Variants in NTM observed in about 807,000 individuals in gnomAD.
NTM encodes neurotrimin.
A neutral mutation model predicts 42.1 loss-of-function variants in NTM; 13 were observed. The ratio of observed to expected loss-of-function variants is 0.31; its 90% CI spans 0.20 to 0.49. The LOEUF (loss-of-function observed/expected upper bound fraction) is 0.49, where lower values mean the gene tolerates loss of function less well. Ranked by LOEUF, NTM falls within the 20% of genes least tolerant of loss-of-function variation. The probability of loss-of-function intolerance (pLI) is 0.99; values close to 1 mark genes in which losing one functional copy is unlikely to be tolerated. For missense variants in NTM, 373 were observed against 452.8 expected, an observed-to-expected ratio of 0.82 and a Z score of 1.60; for synonymous variants, 187 against 179.2, an observed-to-expected ratio of 1.04 and a Z score of -0.35.
intron 4 of NTM, among the ~76,000 whole-genome samples, chr11:132,225,189 T>A (rs2085954497): frequency 6.6e-6 from 1 of 152,190 alleles, no homozygotes; most frequent in Non-Finnish European, 1.5e-5. Context: ...ACTTAGGTGC[T>A]GCAGATTGCA....
chr11:132,060,299 G>A (rs1229181718), intron 2 of NTM, among the ~76,000 whole-genome samples: 1 of 152,118 alleles, frequency 6.6e-6, no homozygotes, highest in East Asian at 1.9e-4. Context: ...AATTGTGTAG[G>A]CAAGGGGTGC....
At chr11:132,079,194 G>T (rs752047714) in intron 2 of NTM, among the ~76,000 whole-genome samples, 1 of 152,122 alleles carries the variant, frequency 6.6e-6, no homozygotes, top group Non-Finnish European at 1.5e-5. Context: ...TGAAAATAAT[G>T]ATACTAATCA....
intron 1 of NTM, among the ~76,000 whole-genome samples, chr11:131,391,575 CTTTTT>C (rs71067306): frequency 9.2e-6 from 1 of 108,578 alleles, no homozygotes; most frequent in Non-Finnish European, 1.8e-5. Context: ...GTTGACAAGT[CTTTTT>C]TTTTTTTTTT....
chr11:131,764,054 G>A (rs1293010310), intron 1 of NTM, among the ~76,000 whole-genome samples: 1 of 151,804 alleles, frequency 6.6e-6, no homozygotes. Flanking sequence ...AAGATGCTAG[G>A]AGACAGCAAT....
intron 6 of NTM, among the ~76,000 whole-genome samples, chr11:132,310,928 T>C (rs942878077): frequency 5.3e-5 from 8 of 152,116 alleles, no homozygotes; most frequent in Non-Finnish European, 8.8e-5. Context: ...CAAAGAGCCA[T>C]TTTTAAGGGG....
At chr11:132,093,424 C>G (rs2060597300) in intron 2 of NTM, among the ~76,000 whole-genome samples, 1 of 152,176 alleles carries the variant, frequency 6.6e-6, no homozygotes. Context: ...ATCTCTCTGT[C>G]ATTCATTGTT....
At chr11:131,782,493 GTTTAT>G (rs1455320981) in intron 1 of NTM, among the ~76,000 whole-genome samples, 1 of 151,906 alleles carries the variant, frequency 6.6e-6, no homozygotes, top group Non-Finnish European at 1.5e-5. Flanking sequence ...ACACTTCTTA[GTTTAT>G]TTTATGAGGC....
In NTM at chr11:131,531,316, G is replaced by T. The variant is rs148735803; in HGVS notation, c.82+160428G>T. Among the ~76,000 whole-genome samples the T allele has an allele frequency of 5.8e-3, 878 of 152,162 alleles. 6 individuals carry two copies. The highest frequency in any genetic ancestry group is 9.5e-3 in the Non-Finnish European group (647 of 68,008). On this transcript the variant is annotated intron_variant, in intron 1 of 8. Coordinates refer to ENST00000683400, the MANE Select transcript of NTM (RefSeq NM_001352005.2). ...ACCATGCTCTGCTAATTTTTTTTGGGGGGGAGGTGGGGGTAAAGATAGGGT... is the reference window on the plus strand; with the variant it reads ...ACCATGCTCTGCTAATTTTTTTTGGTGGGGAGGTGGGGGTAAAGATAGGGT...
chr11:131,843,510 C>T (rs569680283), intron 1 of NTM, among the ~76,000 whole-genome samples: 1 of 152,172 alleles, frequency 6.6e-6, no homozygotes, highest in African/African-American at 2.4e-5. Context: ...GTTTAGCTCT[C>T]CATTATTGCA....
At chr11:132,319,804 A>G (rs941173611) in intron 7 of NTM, among the ~76,000 whole-genome samples, 1 of 152,242 alleles carries the variant, frequency 6.6e-6, no homozygotes, top group African/African-American at 2.4e-5. Flanking sequence ...AGATCTGAGA[A>G]CAGGCAGACT....
chr11:131,447,752 G>A (rs1950172096), intron 1 of NTM, among the ~76,000 whole-genome samples: 1 of 152,190 alleles, frequency 6.6e-6, no homozygotes, highest in Non-Finnish European at 1.5e-5. Flanking sequence ...AATTGGATGA[G>A]TTGGGGGAAG....
At chr11:132,253,331 C>A (rs780575675) in intron 4 of NTM, among the ~76,000 whole-genome samples, 3 of 152,156 alleles carry the variant, frequency 2.0e-5, no homozygotes, top group African/African-American at 7.2e-5. Flanking sequence ...AATTGAGAGT[C>A]GGGCTTATTA....
chr11:132,094,252 A>G (rs2060698905), intron 2 of NTM, among the ~76,000 whole-genome samples: 1 of 152,208 alleles, frequency 6.6e-6, no homozygotes, highest in Non-Finnish European at 1.5e-5. Flanking sequence ...ATTATTTAAC[A>G]ATGTATTGAT....
chr11:131,777,205 C>T (rs2087164451), intron 1 of NTM: 1 of 258,890 alleles, frequency 3.9e-6, no homozygotes, highest in Admixed American at 6.5e-5. Context: ...CAAGCCTGAG[C>T]TAGACACCTT....
chr11:132,253,993 C>CT (rs2092245326), intron 4 of NTM, among the ~76,000 whole-genome samples: 1 of 152,192 alleles, frequency 6.6e-6, no homozygotes. Context: ...ATGAGGCAGT[C>CT]TCTGCAGGTT....
At position 132,208,320 on chromosome 11, in the gene NTM, G is replaced by T. The variant is rs371697207; in HGVS notation, c.401-3702G>T. 1.3e-4 allele frequency among the ~76,000 whole-genome samples: 20 copies of T among 152,256 alleles called. 1 individual carries two copies. Among genetic ancestry groups the T allele is most frequent in the African/African-American group, 4.6e-4 (19 of 41,552 alleles). On this transcript the variant is annotated intron_variant, in intron 3 of 8. Coordinates refer to ENST00000683400, the MANE Select transcript of NTM (RefSeq NM_001352005.2). ...GACTCCCTTAGCATCTTAGGCATAT[G>T]CCAATTTGTTTCTGATAATTGGGAT...
chr11:132,129,799 T>C (rs7951627), intron 2 of NTM, among the ~76,000 whole-genome samples: 16 of 152,320 alleles, frequency 1.1e-4, no homozygotes, highest in South Asian at 6.2e-4. Flanking sequence ...AGGTACCAAA[T>C]GGATACAGCC....
At chr11:131,462,721 T>A (rs11222648) in intron 1 of NTM, among the ~76,000 whole-genome samples, 11,143 of 152,212 alleles carry the variant, frequency 0.073, 984 homozygotes, top group East Asian at 0.22. Flanking sequence ...CCTAGCATTG[T>A]ACAGCAACTT....
At chr11:131,518,587 C>A (rs1007298638) in intron 1 of NTM, among the ~76,000 whole-genome samples, 2 of 152,212 alleles carry the variant, frequency 1.3e-5, no homozygotes, top group Admixed American at 1.3e-4. Flanking sequence ...AGGAATTTCA[C>A]TGGACTCATT....
Sources: allele counts gnomAD v4.1 joint callset (sites outside exome capture counted in the v4.1 genomes callset), GRCh38; gene constraint gnomAD v4.1.1; transcripts MANE v1.5; gene names NCBI Gene and HGNC (gene_info 2026-07-23, HGNC 2026-07-21).